MALRD1: variants seen among roughly 807,000 people sequenced by gnomAD.
The protein encoded by MALRD1 is MAM and LDL-receptor class A domain-containing protein 1.
A neutral mutation model predicts 242.1 loss-of-function variants in MALRD1; 247 were observed. The observed-to-expected ratio is 1.02, with a 90% confidence interval of 0.92 to 1.13. The LOEUF (loss-of-function observed/expected upper bound fraction) is 1.13. MALRD1 is among the 50% of genes most tolerant of loss of function. MALRD1 has a pLI of 0.00. For missense variants in MALRD1, 2,989 were observed against 2,533.1 expected (o/e 1.18, Z -3.86); for synonymous variants, 995 against 866.6 (o/e 1.15, Z -2.60).
chr10:19,525,125 G>C (rs1407470048), intron 31 of MALRD1, among the ~76,000 whole-genome samples: 1 of 150,528 alleles, frequency 6.6e-6, no homozygotes, highest in Non-Finnish European at 1.5e-5. Flanking sequence ...ATGTTGGTCA[G>C]GCTGGTCTCG....
intron 13 of MALRD1, among the ~76,000 whole-genome samples, chr10:19,171,718 A>G (rs117348139): frequency 0.031 from 3,960 of 129,426 alleles, 419 homozygotes; most frequent in Non-Finnish European, 0.05. Context: ...ATACGTATAT[A>G]CACGTATATA....
At position 19,283,192 on chromosome 10, in the gene MALRD1, A is replaced by G. The variant is rs751353541; in HGVS notation, c.3419+11A>G. 1 of 1,515,870 alleles carries G rather than the reference A, an allele frequency of 6.6e-7. No individual in the cohort carries two copies. Among genetic ancestry groups the G allele is most frequent in the South Asian group, 1.3e-5 (1 of 78,910 alleles). The allele number at this position is 1,515,870 out of a possible 1,614,324, so 93.9% of individuals were successfully genotyped here. The stretch of plus-strand genomic sequence containing the variant: ...AGTGGATCATACACAGTAAGTGACC[A>G]TGTATTTTGAATATCTCTCTTGGGA... On this transcript the variant is annotated intron_variant, in intron 21 of 39. Coordinates refer to ENST00000454679, the MANE Select transcript of MALRD1 (RefSeq NM_001142308.3).
intron 18 of MALRD1, among the ~76,000 whole-genome samples, chr10:19,227,679 T>C (rs1004846446): frequency 1.3e-5 from 2 of 151,934 alleles, no homozygotes; most frequent in African/African-American, 2.4e-5. Flanking sequence ...AAACCACAGA[T>C]TGGGACAGAA....
At chr10:19,381,462 G>C (rs980804228) in intron 26 of MALRD1, among the ~76,000 whole-genome samples, 2 of 151,972 alleles carry the variant, frequency 1.3e-5, no homozygotes, top group African/African-American at 4.8e-5. Flanking sequence ...CAAATGTCTT[G>C]TCTCTAAATA....
rs567501653 is a variant in MALRD1 at position 19,238,337 on chromosome 10, ATATAT to A, written c.2992-19342_2992-19338del. ...ATATACATAATGTATATTATACATA[ATATAT>A]TATACATAATATATAATACATAATA... On this transcript the variant is annotated intron_variant, in intron 18 of 39. Transcript: ENST00000454679. Among the ~76,000 whole-genome samples the A allele has an allele frequency of 6.2e-3, 441 of 71,696 alleles. 23 individuals carry two copies. Among genetic ancestry groups the A allele is most frequent in the African/African-American group, 0.023 (381 of 16,510 alleles). The allele number at this position is 71,696 out of a possible 152,430, so 47.0% of individuals were successfully genotyped here. A position where few individuals can be genotyped will look rare whatever the true frequency, so the allele number is the denominator to read the frequency against.
chr10:19,418,361 T>C (rs1277923381), intron 28 of MALRD1, among the ~76,000 whole-genome samples: 2 of 152,178 alleles, frequency 1.3e-5, no homozygotes, highest in Non-Finnish European at 2.9e-5. Flanking sequence ...AGATTATGTT[T>C]TTCAAGCTAA....
intron 26 of MALRD1, among the ~76,000 whole-genome samples, chr10:19,359,511 A>G (rs1258378293): frequency 6.6e-6 from 1 of 152,116 alleles, no homozygotes; most frequent in Non-Finnish European, 1.5e-5. Flanking sequence ...GAAACAGCAC[A>G]GCATTAGATG....
intron 36 of MALRD1, among the ~76,000 whole-genome samples, chr10:19,648,806 C>T (rs1371794327): frequency 6.6e-6 from 1 of 152,048 alleles, no homozygotes; most frequent in Admixed American, 6.6e-5. Flanking sequence ...AAATGTGTGT[C>T]ATGGGGATTT....
rs1047546153 is a variant in MALRD1, at chr10:19,269,175, T to G, written c.3080-10872T>G. 3.9e-5 allele frequency among the ~76,000 whole-genome samples: 6 copies of G among 152,370 alleles called. No homozygotes were observed. In the East Asian group the frequency reaches 1.2e-3, roughly 29 times the overall value. On this transcript the variant is annotated intron_variant, in intron 19 of 39. Coordinates refer to ENST00000454679, the MANE Select transcript of MALRD1 (RefSeq NM_001142308.3). ...CCTATAAGCTTTGTAATAAGTTGAA[T>G]ATTTTCCCCACTCCACAATTCATAT... is the stretch of plus-strand genomic sequence containing the variant.
At chr10:19,315,982 C>G (rs1842690563) in intron 21 of MALRD1, among the ~76,000 whole-genome samples, 1 of 150,136 alleles carries the variant, frequency 6.7e-6, no homozygotes, top group African/African-American at 2.4e-5. Context: ...CACATATACC[C>G]ATTTCATGGG....
chr10:19,264,456 C>CTT (rs1261988988), intron 19 of MALRD1, among the ~76,000 whole-genome samples: 151 of 111,604 alleles, frequency 1.4e-3, no homozygotes, highest in African/African-American at 4.7e-3. Context: ...TTTTCTTTTT[C>CTT]TTTTTTTTTT....
chr10:19,373,703 C>G (rs919143707), intron 26 of MALRD1, among the ~76,000 whole-genome samples: 1 of 152,148 alleles, frequency 6.6e-6, no homozygotes, highest in Non-Finnish European at 1.5e-5. Context: ...CTATTCTTCA[C>G]TTTACATTGT....
intron 36 of MALRD1, among the ~76,000 whole-genome samples, chr10:19,643,622 A>G (rs1028723228): frequency 4.6e-5 from 7 of 152,170 alleles, no homozygotes; most frequent in Non-Finnish European, 7.3e-5. Context: ...TTGAGCCCCC[A>G]TACTACTCCA....
chr10:19,214,381 T>G (rs564918672), intron 18 of MALRD1, among the ~76,000 whole-genome samples: 1 of 152,326 alleles, frequency 6.6e-6, no homozygotes, highest in East Asian at 1.9e-4. Flanking sequence ...TTTGGCCATT[T>G]TTTTGGTTGT....
intron 33 of MALRD1, among the ~76,000 whole-genome samples, chr10:19,590,888 GCA>G (rs1315402669): frequency 2.0e-5 from 3 of 151,976 alleles, no homozygotes; most frequent in African/African-American, 7.3e-5. Context: ...GCCTACTTTG[GCA>G]CATTGTTGTC....
At chr10:19,277,630 A>C (rs185292536) in intron 19 of MALRD1, among the ~76,000 whole-genome samples, 169 of 152,246 alleles carry the variant, frequency 1.1e-3, no homozygotes, top group African/African-American at 3.8e-3. Context: ...TCGGGGTCTT[A>C]TTTCTGGGTT....
intron 19 of MALRD1, among the ~76,000 whole-genome samples, chr10:19,276,401 A>G (rs1840530551): frequency 6.6e-6 from 1 of 152,122 alleles, no homozygotes; most frequent in South Asian, 2.1e-4. Flanking sequence ...CCTTGTATTT[A>G]AACATTTTAA....
chr10:19,212,915 A>C (rs2131638194), intron 18 of MALRD1, among the ~76,000 whole-genome samples: 1 of 114,250 alleles, frequency 8.8e-6, no homozygotes, highest in Admixed American at 9.4e-5. Flanking sequence ...CTTTCACCCA[A>C]GTTTTAAATG....
chr10:19,453,847 A>G (rs11010034), intron 29 of MALRD1, among the ~76,000 whole-genome samples: 32,621 of 151,828 alleles, frequency 0.21, 4,366 homozygotes, highest in South Asian at 0.36. Context: ...ACTGCGTTCC[A>G]GCTAGGGTGA....
Sources: allele counts gnomAD v4.1 joint callset (sites outside exome capture counted in the v4.1 genomes callset), GRCh38; gene constraint gnomAD v4.1.1; transcripts MANE v1.5; gene names NCBI Gene and HGNC (gene_info 2026-07-23, HGNC 2026-07-21).